ALMS1: variants seen among roughly 807,000 people sequenced by gnomAD.
ALMS1 encodes the protein ALMS1 centrosome and basal body associated protein, also known as centrosome-associated protein ALMS1.
Under a neutral mutation model 352.2 loss-of-function variants are expected in ALMS1, and 271 were observed. The ratio of observed to expected loss-of-function variants is 0.77; its 90% CI spans 0.70 to 0.85. The LOEUF is 0.85. Among genes scored for constraint, ALMS1 ranks in the 40% least tolerant of loss-of-function variants. The pLI is 0.00. For synonymous variants in ALMS1, 1,865 were observed against 1,761.2 expected (o/e 1.06, Z -1.48); for missense variants, 5,445 against 4,870.7 (o/e 1.12, Z -3.51).
chr2:73,556,544 C>T (rs1674545553), intron 13 of ALMS1, among the ~76,000 whole-genome samples: 3 of 151,754 alleles, frequency 2.0e-5, no homozygotes, highest in Admixed American at 2.0e-4. Context: ...AAAATTGACT[C>T]CATAAGTGGT....
At position 73,609,800 on chromosome 2, in the gene ALMS1, T is replaced by C. The variant is rs749890306; in HGVS notation, c.*188T>C. 224 of 620,324 alleles carry C rather than the reference T, an allele frequency of 3.6e-4. No homozygotes were observed. The highest frequency in any genetic ancestry group is 5.0e-4 in the Non-Finnish European group (174 of 347,974). The allele number at this position is 620,324 out of a possible 1,614,324, so 38.4% of individuals were successfully genotyped here. A position where few individuals can be genotyped will look rare whatever the true frequency, so the allele number is the denominator to read the frequency against. Reference sequence around the variant, plus strand: ...TCCTAATGGTTTGGGAGCAATACTTTCTGCATAGTGGCCTTGTCCAATGGC... The same window carrying C: ...TCCTAATGGTTTGGGAGCAATACTTCCTGCATAGTGGCCTTGTCCAATGGC... On this transcript the variant is annotated 3_prime_UTR_variant, in exon 23 of 23. Coordinates refer to ENST00000613296, the MANE Select transcript of ALMS1 (RefSeq NM_001378454.1).
Position 73,448,726 on chromosome 2 carries a change from T to C in ALMS1, c.2199T>C (p.Ser733=). Residue 733 remains serine (S), a synonymous_variant, in exon 8 of 23, where the codon AGT becomes AGC. Coordinates refer to ENST00000613296, the MANE Select transcript of ALMS1 (RefSeq NM_001378454.1). The stretch of plus-strand genomic sequence containing the variant: ...TTTACCAACAAGAGTTCGCAGACAG[T>C]CATCAAACTGAAGAGACTCTTACTA... ...GIFYQQEFAD[S]HQTEETLTKV... 6.2e-7 allele frequency: 1 copy of C among 1,605,256 alleles called. No individual in the cohort carries two copies. The highest frequency in any genetic ancestry group is 8.5e-7 in the Non-Finnish European group (1 of 1,174,172).
intron 11 of ALMS1, among the ~76,000 whole-genome samples, chr2:73,532,697 C>G (rs557060624): frequency 6.6e-6 from 1 of 152,164 alleles, no homozygotes; most frequent in Non-Finnish European, 1.5e-5. Flanking sequence ...TCAGGAACTC[C>G]TGGAGCTTAC....
intron 15 of ALMS1, 45 bp from the exon 16 acceptor site, chr2:73,572,217 G>A (rs1189632833): frequency 6.7e-7 from 1 of 1,489,542 alleles, no homozygotes; most frequent in Admixed American, 1.8e-5. Context: ...TAAACAGAAT[G>A]CTAATTTTTT....
intron 11 of ALMS1, among the ~76,000 whole-genome samples, chr2:73,526,761 A>G (rs189020554): frequency 3.4e-4 from 52 of 152,174 alleles, no homozygotes; most frequent in African/African-American, 1.2e-3. Context: ...TCTCCTTTCT[A>G]TCTTTCTCTT....
intron 6 of ALMS1, among the ~76,000 whole-genome samples, chr2:73,428,272 G>A (rs1671419990): frequency 6.6e-6 from 1 of 152,078 alleles, no homozygotes; most frequent in Non-Finnish European, 1.5e-5. Flanking sequence ...GACACTTAGA[G>A]GATTTAGGAA....
Position 73,609,892 on chromosome 2 carries a change from T to C in ALMS1, c.*280T>C, listed in dbSNP as rs1387528849. 2.4e-6 allele frequency: 1 copy of C among 415,022 alleles called. No individual in the cohort carries two copies. Among genetic ancestry groups the C allele is most frequent in the Non-Finnish European group, 4.4e-6 (1 of 225,254 alleles). 25.7% of individuals were successfully genotyped at this position (415,022 alleles called of 1,614,324 possible). ...CCTTTTTGTATGTGTTTTTATACTT[T>C]TAGAAAATAAAAACTTTAGATTAAC... On this transcript the variant is annotated 3_prime_UTR_variant, in exon 23 of 23. Transcript: ENST00000613296.
At chr2:73,597,837 A>G (rs114943305) in intron 16 of ALMS1, among the ~76,000 whole-genome samples, 2,282 of 151,624 alleles carry the variant, frequency 0.015, 23 homozygotes, top group Non-Finnish European at 0.023. Flanking sequence ...CCTAATGAGC[A>G]GGACTTTACA....
chr2:73,600,976 T>C lies in ALMS1; in HGVS notation c.11872+95T>C, dbSNP rs531233559. On this transcript the variant is annotated intron_variant, in intron 18 of 22. Coordinates refer to ENST00000613296, the MANE Select transcript of ALMS1 (RefSeq NM_001378454.1). The stretch of plus-strand genomic sequence containing the variant: ...TGTGTTTCCAAGTGACTCTATGTGG[T>C]CCCCACCTACCCCCAGCCACAACCT... The C allele has an allele frequency of 4.1e-5, 59 of 1,449,062 alleles. No homozygotes were observed. The African/African-American group carries it at 8.1e-4, about 20-fold the overall frequency. The allele number at this position is 1,449,062 out of a possible 1,614,324, so 89.8% of individuals were successfully genotyped here.
intron 3 of ALMS1, among the ~76,000 whole-genome samples, chr2:73,421,927 A>C (rs1160666911): frequency 6.6e-6 from 1 of 152,166 alleles, no homozygotes; most frequent in Non-Finnish European, 1.5e-5. Context: ...AGAATGATTT[A>C]AGTCAACATT....
chr2:73,465,254 T>C (rs962380192), intron 9 of ALMS1, among the ~76,000 whole-genome samples: 1 of 152,040 alleles, frequency 6.6e-6, no homozygotes, highest in Non-Finnish European at 1.5e-5. Flanking sequence ...AAGGCTACAG[T>C]AACCAAAACA....
chr2:73,525,575 CTTT>C (rs1418641705), intron 11 of ALMS1, among the ~76,000 whole-genome samples: 1 of 152,058 alleles, frequency 6.6e-6, no homozygotes, highest in Non-Finnish European at 1.5e-5. Flanking sequence ...TATATGTCTT[CTTT>C]TGAGAAATGT....
At chr2:73,607,639 TTTA>T (rs1393497156) in intron 21 of ALMS1, among the ~76,000 whole-genome samples, 1 of 151,834 alleles carries the variant, frequency 6.6e-6, no homozygotes, top group African/African-American at 2.4e-5. Flanking sequence ...TTATTATTTT[TTTA>T]TTATTATTAT....
At chr2:73,535,628 A>T (rs931631985) in intron 12 of ALMS1, among the ~76,000 whole-genome samples, 8 of 152,184 alleles carry the variant, frequency 5.3e-5, no homozygotes, top group Non-Finnish European at 1.2e-4. Context: ...TTTCCCTAGA[A>T]TTTTAAACTA....
chr2:73,508,815 A>G (rs114144568), intron 10 of ALMS1, among the ~76,000 whole-genome samples: 2,483 of 152,234 alleles, frequency 0.016, 69 homozygotes, highest in African/African-American at 0.057. Context: ...AATATTGACA[A>G]TGGGGCTTTA....
chr2:73,589,480 TATGC>T (rs1675378393), intron 16 of ALMS1, among the ~76,000 whole-genome samples: 1 of 152,196 alleles, frequency 6.6e-6, no homozygotes, highest in African/African-American at 2.4e-5. Context: ...TTTATCACCA[TATGC>T]CATCCTCATT....
chr2:73,415,795 G>A (rs1484819902), intron 2 of ALMS1, among the ~76,000 whole-genome samples: 1 of 152,164 alleles, frequency 6.6e-6, no homozygotes, highest in Non-Finnish European at 1.5e-5. Context: ...AGCTTTTGCT[G>A]AGCAAATAGG....
intron 15 of ALMS1, among the ~76,000 whole-genome samples, chr2:73,565,446 T>G (rs1466944803): frequency 6.6e-6 from 1 of 152,112 alleles, no homozygotes; most frequent in African/African-American, 2.4e-5. Flanking sequence ...AGTAAATGAT[T>G]TAATAAATAA....
chr2:73,443,374 T>C (rs1243696677), intron 7 of ALMS1, among the ~76,000 whole-genome samples: 1 of 152,182 alleles, frequency 6.6e-6, no homozygotes, highest in Non-Finnish European at 1.5e-5. Flanking sequence ...TTGGAATGCT[T>C]CCCTATTTTT....
Sources: gnomAD v4.1 joint callset for allele counts (sites outside exome capture counted in the v4.1 genomes callset) on GRCh38, gnomAD v4.1.1 for gene constraint, MANE v1.5 for transcripts, NCBI Gene and HGNC (gene_info 2026-07-23, HGNC 2026-07-21) for gene names.